Variants in PRELID2 observed in about 807,000 individuals in gnomAD.
PRELID2 encodes PRELI domain-containing protein 2.
A neutral mutation model predicts 28.4 loss-of-function variants in PRELID2; 25 were observed. The ratio of observed to expected loss-of-function variants is 0.88; its 90% CI spans 0.64 to 1.23. The LOEUF (loss-of-function observed/expected upper bound fraction) is 1.23. Among genes scored for constraint, PRELID2 ranks in the 50% most tolerant of loss-of-function variants. The pLI is 0.00. For missense variants in PRELID2, 201 were observed against 214.4 expected (o/e 0.94, Z 0.39); for synonymous variants, 76 against 71.6 (o/e 1.06, Z -0.31).
chr5:145,594,179 C>T (rs1448885098), intron 1 of PRELID2, among the ~76,000 whole-genome samples: 1 of 152,022 alleles, frequency 6.6e-6, no homozygotes, highest in Non-Finnish European at 1.5e-5. Flanking sequence ...TATATGTTTG[C>T]ATTTTTTCAT....
chr5:145,739,398 G>A (rs531170934), intron 1 of PRELID2, among the ~76,000 whole-genome samples: 221 of 152,142 alleles, frequency 1.5e-3, no homozygotes, highest in African/African-American at 4.9e-3. Flanking sequence ...CCAGCTACTC[G>A]GGAGGGTAAG....
intron 2 of PRELID2, among the ~76,000 whole-genome samples, chr5:145,822,716 CCAAA>C (rs1177454306): frequency 1.3e-5 from 2 of 152,144 alleles, no homozygotes; most frequent in African/African-American, 4.8e-5. Flanking sequence ...AACACCTATT[CCAAA>C]CATTGTTCTG....
chr5:145,649,595 T>A (rs1315743713), intron 1 of PRELID2, among the ~76,000 whole-genome samples: 2 of 152,214 alleles, frequency 1.3e-5, no homozygotes, highest in Admixed American at 6.5e-5. Flanking sequence ...CTATTTTCCA[T>A]CCTTTTCTTT....
At chr5:145,419,941 C>G in the PRELID2 span, among the ~76,000 whole-genome samples, 22 of 152,028 alleles carry the variant, frequency 1.4e-4, no homozygotes, top group African/African-American at 5.1e-4. Flanking sequence ...TTTCAGCTTT[C>G]TACATATGGC....
the PRELID2 span, among the ~76,000 whole-genome samples, chr5:145,406,765 G>A: frequency 3.8e-4 from 58 of 152,280 alleles, no homozygotes; most frequent in African/African-American, 1.3e-3. Context: ...AGTGTGAGAG[G>A]GGGTAAAGTC....
At chr5:145,630,133 G>C (rs1006867357) in intron 1 of PRELID2, among the ~76,000 whole-genome samples, 1 of 147,774 alleles carries the variant, frequency 6.8e-6, no homozygotes, top group East Asian at 2.0e-4. Context: ...TGGATGCATG[G>C]ATGGATGGAT....
At chr5:145,653,574 T>C (rs1754338096) in intron 1 of PRELID2, among the ~76,000 whole-genome samples, 1 of 152,156 alleles carries the variant, frequency 6.6e-6, no homozygotes, top group South Asian at 2.1e-4. Context: ...GCAATCAAAC[T>C]AGAACTCAGG....
intron 1 of PRELID2, among the ~76,000 whole-genome samples, chr5:145,680,604 A>T (rs185099294): frequency 1.0e-3 from 159 of 152,348 alleles, no homozygotes; most frequent in Non-Finnish European, 1.9e-3. Context: ...GTAGACAGAG[A>T]TGCAAAAACA....
At chr5:145,236,959 A>G in the PRELID2 span, among the ~76,000 whole-genome samples, 1 of 152,234 alleles carries the variant, frequency 6.6e-6, no homozygotes, top group East Asian at 1.9e-4. Context: ...TTGGTTATCA[A>G]TCCCCACTGC....
intron 1 of PRELID2, among the ~76,000 whole-genome samples, chr5:145,498,491 C>T (rs1386356728): frequency 6.6e-6 from 1 of 151,898 alleles, no homozygotes; most frequent in African/African-American, 2.4e-5. Flanking sequence ...GAGAACTTGT[C>T]TCTCTCTGTT....
At chr5:145,400,576 A>G in the PRELID2 span, among the ~76,000 whole-genome samples, 1 of 152,144 alleles carries the variant, frequency 6.6e-6, no homozygotes, top group South Asian at 2.1e-4. Context: ...ATTCCGAGGT[A>G]GCAGGTTACC....
At chr5:145,265,214 A>AAAAAT in the PRELID2 span, among the ~76,000 whole-genome samples, 64 of 152,032 alleles carry the variant, frequency 4.2e-4, no homozygotes, top group African/African-American at 1.2e-3. Context: ...CATAGCTGCA[A>AAAAAT]AAAATAAAAT....
At chr5:145,742,886 A>G (rs1053903360) in intron 1 of PRELID2, among the ~76,000 whole-genome samples, 8 of 152,052 alleles carry the variant, frequency 5.3e-5, no homozygotes, top group Admixed American at 2.0e-4. Context: ...AATTGCCAAT[A>G]TCAGGAATAA....
chr5:145,734,204 C>G (rs185343341), intron 1 of PRELID2, among the ~76,000 whole-genome samples: 1 of 152,152 alleles, frequency 6.6e-6, no homozygotes, highest in African/African-American at 2.4e-5. Flanking sequence ...CAGCCTTGAA[C>G]TCCTAGGCTG....
the PRELID2 span, among the ~76,000 whole-genome samples, chr5:145,427,437 A>T: frequency 1.3e-5 from 2 of 152,312 alleles, no homozygotes; most frequent in African/African-American, 4.8e-5. Context: ...AGAATCTAAA[A>T]TTGGATTTGA....
intron 1 of PRELID2, among the ~76,000 whole-genome samples, chr5:145,700,463 T>G (rs1755380907): frequency 6.6e-6 from 1 of 152,224 alleles, no homozygotes; most frequent in East Asian, 1.9e-4. Flanking sequence ...ATAAAAATAT[T>G]AAATATTATC....
intron 1 of PRELID2, among the ~76,000 whole-genome samples, chr5:145,664,619 A>G (rs28507009): frequency 0.014 from 2,140 of 152,148 alleles, 49 homozygotes; most frequent in African/African-American, 0.049. Context: ...CCAGCAAAGG[A>G]ATGCACCCCG....
the PRELID2 span, among the ~76,000 whole-genome samples, chr5:145,390,469 C>G: frequency 6.6e-6 from 1 of 152,122 alleles, no homozygotes; most frequent in Non-Finnish European, 1.5e-5. Flanking sequence ...AGCGGGGAAG[C>G]CCCTTATAAA....
chr5:145,376,676 G>A, the PRELID2 span, among the ~76,000 whole-genome samples: 1 of 152,114 alleles, frequency 6.6e-6, no homozygotes, highest in Admixed American at 6.6e-5. Flanking sequence ...TATTTTATGT[G>A]CATAGATGTT....
Sources: gnomAD v4.1 joint callset for allele counts (sites outside exome capture counted in the v4.1 genomes callset) on GRCh38, gnomAD v4.1.1 for gene constraint, MANE v1.5 for transcripts, NCBI Gene and HGNC (gene_info 2026-07-23, HGNC 2026-07-21) for gene names.